TEX26: variants seen among roughly 807,000 people sequenced by gnomAD.
TEX26 encodes testis-expressed protein 26.
In TEX26, 34 loss-of-function variants were observed where a neutral mutation model predicts 35.3. That is an observed-to-expected ratio of 0.96 (90% CI 0.73 to 1.28). TEX26 has a LOEUF of 1.28. Ranked by LOEUF, TEX26 falls within the 50% of genes most tolerant of loss-of-function variation. The probability of loss-of-function intolerance (pLI) is 0.00; values close to 1 mark genes in which losing one functional copy is unlikely to be tolerated. For synonymous variants in TEX26, 136 were observed against 111.8 expected (o/e 1.22, Z -1.36); for missense variants, 371 against 330.1 (o/e 1.12, Z -0.96).
chr13:30,955,767 T>A (rs58073531), intron 3 of TEX26, among the ~76,000 whole-genome samples: 3,246 of 152,282 alleles, frequency 0.021, 118 homozygotes, highest in African/African-American at 0.074. Flanking sequence ...TGGAGTAGAC[T>A]CAGTAGAGAG....
Position 30,975,055 on chromosome 13 carries a change from G to A in TEX26, c.*148G>A, listed in dbSNP as rs1357118146. On this transcript the variant is annotated 3_prime_UTR_variant, in exon 7 of 7. Transcript: ENST00000380473. Reference sequence around the variant, plus strand: ...GTCATGAATTTGTGTCTTTTGCTCCGCTTTATTTTTAAACAATAAAATTAA... The same window carrying A: ...GTCATGAATTTGTGTCTTTTGCTCCACTTTATTTTTAAACAATAAAATTAA... The A allele has an allele frequency of 3.0e-5, 16 of 532,710 alleles. No individual in the cohort carries two copies. The highest frequency in any genetic ancestry group is 7.2e-5 in the South Asian group (2 of 27,820). 33.0% of individuals were successfully genotyped at this position (532,710 alleles called of 1,614,324 possible).
In TEX26 at chr13:30,974,980, C is replaced by A; in HGVS notation, c.*73C>A. On this transcript the variant is annotated 3_prime_UTR_variant, in exon 7 of 7. Coordinates refer to ENST00000380473, the MANE Select transcript of TEX26 (RefSeq NM_152325.3). The stretch of plus-strand genomic sequence containing the variant: ...ACGAGGACATTCCTAGTCATTTTCT[C>A]AATTATCAAGGAAAAATAAGATGCA... The A allele has an allele frequency of 9.3e-7, 1 of 1,075,000 alleles. No homozygotes were observed. Among genetic ancestry groups the A allele is most frequent in the Non-Finnish European group, 1.3e-6 (1 of 757,018 alleles). 66.6% of individuals were successfully genotyped at this position (1,075,000 alleles called of 1,614,324 possible). A position where few individuals can be genotyped will look rare whatever the true frequency, so the allele number is the denominator to read the frequency against.
rs557224914 is a variant in TEX26, at chr13:30,952,946, T to C, written c.312+121T>C. Reference sequence around the variant, plus strand: ...CTTCTACAGTCACAGGATACATGGTTCTTTTTAGACTATTTCCTGTCTACC... The same window carrying C: ...CTTCTACAGTCACAGGATACATGGTCCTTTTTAGACTATTTCCTGTCTACC... On this transcript the variant is annotated intron_variant, in intron 3 of 6. Transcript: ENST00000380473. The C allele has an allele frequency of 9.5e-6, 8 of 842,126 alleles. No homozygotes were observed. The South Asian group carries it at 1.5e-4, about 16-fold the overall frequency. The allele number at this position is 842,126 out of a possible 1,614,324, so 52.2% of individuals were successfully genotyped here. A position where few individuals can be genotyped will look rare whatever the true frequency, so the allele number is the denominator to read the frequency against.
chr13:30,947,542 A>C (rs1260961756), intron 2 of TEX26, among the ~76,000 whole-genome samples: 1 of 152,134 alleles, frequency 6.6e-6, no homozygotes, highest in Non-Finnish European at 1.5e-5. Flanking sequence ...AAAGCTATTA[A>C]TAAGATGATT....
intron 4 of TEX26, 87 bp downstream of exon 4, chr13:30,957,116 C>T: frequency 1.5e-6 from 2 of 1,357,680 alleles, no homozygotes; most frequent in East Asian, 2.3e-5. Flanking sequence ...TGTTCTTCTC[C>T]TTCAAGGAAC....
intron 4 of TEX26, among the ~76,000 whole-genome samples, chr13:30,964,334 C>A (rs761144482): frequency 6.6e-6 from 1 of 152,160 alleles, no homozygotes; most frequent in African/African-American, 2.4e-5. Flanking sequence ...CATATTTCCA[C>A]GTGAGATCCA....
chr13:30,935,154 A>C (rs1446791079), intron 1 of TEX26, among the ~76,000 whole-genome samples: 1 of 152,186 alleles, frequency 6.6e-6, no homozygotes, highest in Non-Finnish European at 1.5e-5. Flanking sequence ...CTGCAGGCTA[A>C]AGGGTATCTG....
chr13:30,935,567 C>A (rs1267210588), intron 1 of TEX26, among the ~76,000 whole-genome samples: 1 of 152,200 alleles, frequency 6.6e-6, no homozygotes, highest in Non-Finnish European at 1.5e-5. Context: ...GATGATGGGG[C>A]AACTAGCTGC....
intron 1 of TEX26, chr13:30,936,739 G>A (rs1005793209): frequency 3.0e-6 from 3 of 985,284 alleles, no homozygotes; most frequent in African/African-American, 1.7e-5. Flanking sequence ...TTCTTTGAAG[G>A]AGGAACAGAA....
chr13:30,937,262 C>T (rs1275629559), intron 1 of TEX26, among the ~76,000 whole-genome samples: 1 of 152,116 alleles, frequency 6.6e-6, no homozygotes, highest in Non-Finnish European at 1.5e-5. Context: ...AGGGATAGGA[C>T]CCTAGATGGG....
intron 1 of TEX26, 192 bp downstream of exon 1, chr13:30,932,968 C>T (rs910421642): frequency 3.6e-5 from 20 of 551,924 alleles, no homozygotes; most frequent in Non-Finnish European, 5.6e-5. Flanking sequence ...TTCAGTCCTT[C>T]GCATAACCTT....
intron 6 of TEX26, among the ~76,000 whole-genome samples, chr13:30,970,418 C>T (rs1451380013): frequency 6.6e-6 from 1 of 152,104 alleles, no homozygotes; most frequent in Non-Finnish European, 1.5e-5. Flanking sequence ...TGCCTCTGGG[C>T]CAGTCTGGCA....
At chr13:30,938,057 G>A (rs1468867851) in intron 1 of TEX26, among the ~76,000 whole-genome samples, 6 of 152,150 alleles carry the variant, frequency 3.9e-5, no homozygotes, top group Admixed American at 6.5e-5. Flanking sequence ...ACAAATACAG[G>A]CAATGAGGTG....
chr13:30,974,957 G>A lies in TEX26; in HGVS notation c.*50G>A, dbSNP rs765597649. The A allele has an allele frequency of 2.3e-6, 3 of 1,278,628 alleles. No homozygotes were observed. The highest frequency in any genetic ancestry group is 1.4e-5 in the South Asian group (1 of 69,444). The allele number at this position is 1,278,628 out of a possible 1,614,324, so 79.2% of individuals were successfully genotyped here. A position where few individuals can be genotyped will look rare whatever the true frequency, so the allele number is the denominator to read the frequency against. ...AAAATCTGAAAATCAATGGAAGCAC[G>A]AGGACATTCCTAGTCATTTTCTCAA... On this transcript the variant is annotated 3_prime_UTR_variant, in exon 7 of 7. Coordinates refer to ENST00000380473, the MANE Select transcript of TEX26 (RefSeq NM_152325.3).
intron 3 of TEX26, among the ~76,000 whole-genome samples, chr13:30,953,321 G>A (rs776123797): frequency 6.6e-6 from 1 of 152,116 alleles, no homozygotes; most frequent in Non-Finnish European, 1.5e-5. Context: ...TTAGCATAAT[G>A]TTTTCAAGGT....
At chr13:30,937,780 G>C (rs985916373) in intron 1 of TEX26, among the ~76,000 whole-genome samples, 3 of 152,190 alleles carry the variant, frequency 2.0e-5, no homozygotes, top group Admixed American at 6.5e-5. Flanking sequence ...GGGCTCTTAA[G>C]TGGAGGTAGA....
At chr13:30,957,059 G>C (rs770673539) in intron 4 of TEX26, 30 bp downstream of exon 4, 79 of 1,604,838 alleles carry the variant, frequency 4.9e-5, no homozygotes, top group South Asian at 2.8e-4. Flanking sequence ...TTTTTTTCCT[G>C]GGTCATGTGG....
At chr13:30,972,860 C>G (rs1322492616) in intron 6 of TEX26, among the ~76,000 whole-genome samples, 2 of 152,250 alleles carry the variant, frequency 1.3e-5, no homozygotes. Context: ...TGGTCTCAAA[C>G]TCCTGGCCTC....
At chr13:30,942,081 A>G (rs1443336169) in intron 2 of TEX26, among the ~76,000 whole-genome samples, 1 of 152,190 alleles carries the variant, frequency 6.6e-6, no homozygotes, top group African/African-American at 2.4e-5. Flanking sequence ...CTTAAGAAAT[A>G]TTCATACTGT....
Sources: gnomAD v4.1 joint callset for allele counts (sites outside exome capture counted in the v4.1 genomes callset) on GRCh38, gnomAD v4.1.1 for gene constraint, MANE v1.5 for transcripts, NCBI Gene and HGNC (gene_info 2026-07-23, HGNC 2026-07-21) for gene names.